Variants in MAP4K4 observed in about 807,000 individuals in gnomAD.
MAP4K4 encodes the protein HPK/GCK-like kinase HGK.
MAP4K4 carries 38 observed loss-of-function variants against 189.6 expected under a neutral mutation model. The ratio of observed to expected loss-of-function variants is 0.20; its 90% CI spans 0.15 to 0.26. MAP4K4 has a LOEUF of 0.26. Ranked by LOEUF, MAP4K4 falls within the 10% of genes least tolerant of loss-of-function variation. MAP4K4 has a pLI of 1.00. For synonymous variants in MAP4K4, 610 were observed against 624.3 expected, an observed-to-expected ratio of 0.98 and a Z score of 0.34; for missense variants, 1,054 against 1,726.9, an observed-to-expected ratio of 0.61 and a Z score of 6.91.
rs80201296 is a variant in MAP4K4, at chr2:101,882,076, T to C, written c.3386-475T>C. On this transcript the variant is annotated intron_variant, in intron 27 of 32. Transcript: ENST00000324219. ...TATGCACATATCCTACTTTAATAGA[T>C]AGTGCCAAACTTACAAAAACAGTTC... 4.4e-4 allele frequency among the ~76,000 whole-genome samples: 67 copies of C among 152,336 alleles called. 1 individual carries two copies. In the East Asian group the frequency reaches 0.013, roughly 29 times the overall value.
At chr2:101,802,689 G>A (rs941207475) in intron 3 of MAP4K4, among the ~76,000 whole-genome samples, 1 of 152,054 alleles carries the variant, frequency 6.6e-6, no homozygotes, top group African/African-American at 2.4e-5. Context: ...TATATAACTG[G>A]CATATTTATT....
At chr2:101,714,046 C>T (rs1257047262) in intron 2 of MAP4K4, among the ~76,000 whole-genome samples, 1 of 140,066 alleles carries the variant, frequency 7.1e-6, no homozygotes, top group East Asian at 2.1e-4. Flanking sequence ...CTCACTCATA[C>T]AATAGAGACA....
chr2:101,706,242 A>G (rs1294172736), intron 2 of MAP4K4, among the ~76,000 whole-genome samples: 4 of 152,182 alleles, frequency 2.6e-5, no homozygotes, highest in Non-Finnish European at 5.9e-5. Flanking sequence ...TCAGTTTTAT[A>G]CATTTATTGA....
intron 2 of MAP4K4, among the ~76,000 whole-genome samples, chr2:101,707,212 CTTTT>C (rs545502305): frequency 7.5e-6 from 1 of 133,940 alleles, no homozygotes; most frequent in Non-Finnish European, 1.6e-5. Flanking sequence ...TTTATTTTAT[CTTTT>C]TTTTTTTTTT....
intron 2 of MAP4K4, among the ~76,000 whole-genome samples, chr2:101,715,904 G>C (rs1574088664): frequency 6.6e-6 from 1 of 152,154 alleles, no homozygotes; most frequent in Admixed American, 6.5e-5. Context: ...CCTCCTGTCA[G>C]ATCAGTGGTG....
intron 2 of MAP4K4, among the ~76,000 whole-genome samples, chr2:101,732,223 T>C (rs1452788383): frequency 1.3e-5 from 2 of 152,158 alleles, no homozygotes; most frequent in Admixed American, 1.3e-4. Flanking sequence ...CATACAACCT[T>C]CCCTCATAAA....
chr2:101,706,609 C>G (rs1480729384), intron 2 of MAP4K4, among the ~76,000 whole-genome samples: 2 of 152,180 alleles, frequency 1.3e-5, no homozygotes, highest in Non-Finnish European at 2.9e-5. Context: ...TTTAACACCA[C>G]ACGTCAGATA....
At chr2:101,745,986 G>GTA (rs2065342620) in intron 2 of MAP4K4, among the ~76,000 whole-genome samples, 1 of 149,174 alleles carries the variant, frequency 6.7e-6, no homozygotes, top group African/African-American at 2.4e-5. Flanking sequence ...GTGTGTGTGT[G>GTA]TGTGTGTGTG....
At chr2:101,789,278 T>C (rs1176629146) in intron 2 of MAP4K4, among the ~76,000 whole-genome samples, 1 of 152,220 alleles carries the variant, frequency 6.6e-6, no homozygotes, top group African/African-American at 2.4e-5. Flanking sequence ...CTCCTTGGGT[T>C]CAACAAAATC....
At chr2:101,796,030 T>C (rs115278217) in intron 3 of MAP4K4, among the ~76,000 whole-genome samples, 26 of 152,266 alleles carry the variant, frequency 1.7e-4, no homozygotes, top group African/African-American at 5.5e-4. Flanking sequence ...GGCAAACTTA[T>C]TATGTGGTGT....
chr2:101,758,178 G>C (rs1348824892), intron 2 of MAP4K4, among the ~76,000 whole-genome samples: 4 of 152,202 alleles, frequency 2.6e-5, no homozygotes, highest in African/African-American at 9.7e-5. Flanking sequence ...GGTAATGGGG[G>C]TACTACTGTT....
rs1553478618 is a variant in MAP4K4, at chr2:101,797,889, G to GTGT, written c.180+7114_180+7115insGTT. ...TGAAGCTTTTTAAAACATTCTTTTA[G>GTGT]TTTTTTTTTTTTTTTTTTTTTGGAG... On this transcript the variant is annotated intron_variant, in intron 3 of 32. Transcript: ENST00000324219. 2.9e-3 allele frequency among the ~76,000 whole-genome samples: 151 copies of GTGT among 52,328 alleles called. 22 individuals carry two copies. Among genetic ancestry groups the GTGT allele is most frequent in the Non-Finnish European group, 3.9e-3 (118 of 29,940 alleles). 34.3% of individuals were successfully genotyped at this position (52,328 alleles called of 152,430 possible).
At chr2:101,812,147 G>C (rs991414124) in intron 3 of MAP4K4, among the ~76,000 whole-genome samples, 3 of 152,086 alleles carry the variant, frequency 2.0e-5, no homozygotes, top group Non-Finnish European at 2.9e-5. Flanking sequence ...GGTAGTTTAT[G>C]GTCCTCCTTT....
At chr2:101,773,280 G>A (rs138900074) in intron 2 of MAP4K4, among the ~76,000 whole-genome samples, 2 of 152,344 alleles carry the variant, frequency 1.3e-5, no homozygotes, top group African/African-American at 4.8e-5. Context: ...GGGCAGCAAG[G>A]GGGAGGGAAC....
In MAP4K4 at chr2:101,699,511, G is replaced by A. The variant is rs192250752; in HGVS notation, c.123+973G>A. Among the ~76,000 whole-genome samples, 1,009 of 152,300 alleles carry A rather than the reference G, an allele frequency of 6.6e-3. 40 individuals are homozygous for A. The highest frequency in any genetic ancestry group is 0.06 in the Admixed American group (918 of 15,298). On this transcript the variant is annotated intron_variant, in intron 2 of 32. Coordinates refer to ENST00000324219, the Ensembl canonical transcript of MAP4K4. ...TAAAAGTTTAATCTGCACTGGGGGA[G>A]TGTTCTGTTAGAGTCGGTACAAGGT...
chr2:101,728,809 G>A (rs1355564348), intron 2 of MAP4K4, among the ~76,000 whole-genome samples: 4 of 152,262 alleles, frequency 2.6e-5, no homozygotes, highest in South Asian at 2.1e-4. Flanking sequence ...GTGAGCCACC[G>A]TGCCCGACAG....
chr2:101,875,111 A>G (rs2098162949), intron 26 of MAP4K4, among the ~76,000 whole-genome samples: 1 of 152,204 alleles, frequency 6.6e-6, no homozygotes. Flanking sequence ...AGAACCTTTG[A>G]AATGGTATCT....
intron 6 of MAP4K4, among the ~76,000 whole-genome samples, chr2:101,830,815 C>T (rs1413813647): frequency 6.6e-6 from 1 of 152,184 alleles, no homozygotes; most frequent in Non-Finnish European, 1.5e-5. Flanking sequence ...CTCGCTTAGG[C>T]TTCCTGCACT....
chr2:101,754,045 TTTC>T (rs768118545), intron 2 of MAP4K4, among the ~76,000 whole-genome samples: 8 of 152,170 alleles, frequency 5.3e-5, no homozygotes, highest in Non-Finnish European at 1.0e-4. Flanking sequence ...TTTGGTTTTC[TTTC>T]TTTCTGTTAA....
Sources: gnomAD v4.1 joint callset for allele counts (sites outside exome capture counted in the v4.1 genomes callset) on GRCh38, gnomAD v4.1.1 for gene constraint, MANE v1.5 for transcripts, NCBI Gene and HGNC (gene_info 2026-07-23, HGNC 2026-07-21) for gene names.